RBFOX1: variants seen among roughly 807,000 people sequenced by gnomAD.
RBFOX1 encodes the protein RNA binding protein fox-1 homolog 1.
Under a neutral mutation model 57.7 loss-of-function variants are expected in RBFOX1, and 8 were observed. The observed-to-expected ratio is 0.14, with a 90% CI of 0.08 to 0.25. The LOEUF (loss-of-function observed/expected upper bound fraction) is 0.25. Ranked by LOEUF, RBFOX1 falls within the 10% of genes least tolerant of loss-of-function variation. The pLI is 1.00. For synonymous variants in RBFOX1, 326 were observed against 222.4 expected (o/e 1.47, Z -4.15); for missense variants, 611 against 548.5 (o/e 1.11, Z -1.14).
intron 2 of RBFOX1, among the ~76,000 whole-genome samples, chr16:6,489,545 C>G (rs1252905118): frequency 6.6e-6 from 1 of 152,104 alleles, no homozygotes; most frequent in Non-Finnish European, 1.5e-5. Context: ...AGTCTGTGTT[C>G]CTAGCCATTT....
At chr16:5,920,784 G>A (rs2058804140) in intron 4 of RBFOX1, among the ~76,000 whole-genome samples, 1 of 152,196 alleles carries the variant, frequency 6.6e-6, no homozygotes, top group South Asian at 2.1e-4. Flanking sequence ...GGACCTGGGT[G>A]GAAATTCTTC....
intron 2 of RBFOX1, among the ~76,000 whole-genome samples, chr16:5,597,815 A>G (rs2047236941): frequency 1.3e-5 from 2 of 152,144 alleles, no homozygotes; most frequent in Non-Finnish European, 2.9e-5. Context: ...TACGACGGTG[A>G]TTCACATCCC....
intron 1 of RBFOX1, among the ~76,000 whole-genome samples, chr16:5,401,823 T>G (rs1259068249): frequency 2.0e-5 from 3 of 149,910 alleles, no homozygotes; most frequent in Non-Finnish European, 1.5e-5. Flanking sequence ...CTTCTCGTGC[T>G]GCTGCTTCCT....
At chr16:5,690,384 A>G (rs1279569737) in intron 3 of RBFOX1, among the ~76,000 whole-genome samples, 1 of 152,194 alleles carries the variant, frequency 6.6e-6, no homozygotes, top group Admixed American at 6.5e-5. Flanking sequence ...GCCACCGTCT[A>G]CCCATATCTT....
intron 4 of RBFOX1, among the ~76,000 whole-genome samples, chr16:5,939,291 T>A (rs1333688666): frequency 6.6e-6 from 1 of 152,168 alleles, no homozygotes; most frequent in East Asian, 1.9e-4. Context: ...CATCACAAAC[T>A]TAGATTAAAA....
chr16:6,507,507 C>CAAAAAAAAAAAA (rs57685233), intron 2 of RBFOX1, among the ~76,000 whole-genome samples: 3 of 97,194 alleles, frequency 3.1e-5, no homozygotes, highest in Non-Finnish European at 3.8e-5. Context: ...CCTATCTGTA[C>CAAAAAAAAAAAA]AAAAAAAAAA....
At chr16:5,351,088 G>T (rs1413651803) in intron 1 of RBFOX1, among the ~76,000 whole-genome samples, 1 of 152,072 alleles carries the variant, frequency 6.6e-6, no homozygotes, top group Non-Finnish European at 1.5e-5. Flanking sequence ...GGTTGACCCC[G>T]GATAGGTCTA....
At chr16:6,063,942 A>G (rs1006815462) in intron 1 of RBFOX1, among the ~76,000 whole-genome samples, 33 of 152,202 alleles carry the variant, frequency 2.2e-4, no homozygotes, top group African/African-American at 8.0e-4. Flanking sequence ...CATAACACAT[A>G]TAATATTTCC....
chr16:7,213,199 C>T (rs564189420), intron 4 of RBFOX1, among the ~76,000 whole-genome samples: 6 of 152,276 alleles, frequency 3.9e-5, no homozygotes, highest in South Asian at 2.1e-4. Flanking sequence ...GCAGATTACA[C>T]GGAACAATAT....
chr16:7,209,102 C>A (rs2090588719), intron 4 of RBFOX1, among the ~76,000 whole-genome samples: 1 of 151,356 alleles, frequency 6.6e-6, no homozygotes, highest in Non-Finnish European at 1.5e-5. Context: ...CAAGAGCAGC[C>A]TGGCCAACGT....
chr16:7,644,021 T>A (rs1206334951), intron 11 of RBFOX1, among the ~76,000 whole-genome samples: 2 of 152,180 alleles, frequency 1.3e-5, no homozygotes, highest in African/African-American at 4.8e-5. Flanking sequence ...GGAGATGATG[T>A]AGCAGCTTGT....
At chr16:6,169,742 C>T (rs762171455) in intron 1 of RBFOX1, among the ~76,000 whole-genome samples, 1 of 152,168 alleles carries the variant, frequency 6.6e-6, no homozygotes, top group Non-Finnish European at 1.5e-5. Context: ...GTTGTTGTTA[C>T]AGGCACATGC....
At chr16:5,308,372 C>A (rs551159845) in intron 1 of RBFOX1, among the ~76,000 whole-genome samples, 1 of 151,982 alleles carries the variant, frequency 6.6e-6, no homozygotes, top group African/African-American at 2.4e-5. Flanking sequence ...CTGCCTTTGT[C>A]CGCTCCCAAG....
At position 5,759,227 on chromosome 16, in the gene RBFOX1, G is replaced by T. The variant is rs181855159; in HGVS notation, c.319-108076G>T. On this transcript the variant is annotated intron_variant, in intron 3 of 19. Coordinates refer to the RBFOX1 transcript ENST00000641259. ...TTAGAATGTCTGAATCTGCATCATA[G>T]CCTGAGGTCTGTGTTCAGCTTACAG... 7.3e-4 allele frequency among the ~76,000 whole-genome samples: 111 copies of T among 152,306 alleles called. 1 individual carries two copies. Among genetic ancestry groups the T allele is most frequent in the Non-Finnish European group, 4.0e-4 (27 of 68,034 alleles).
At position 7,609,527 on chromosome 16, in the gene RBFOX1, T is replaced by G. The variant is rs142153305; in HGVS notation, c.676+2189T>G. On this transcript the variant is annotated intron_variant, in intron 10 of 15. Transcript: ENST00000550418. ...ATTCAGATTAGCCCAGGGCCCAGGT[T>G]CAGAAGTTAGATCATTAAGTTAGAG... Among the ~76,000 whole-genome samples the G allele has an allele frequency of 5.6e-3, 855 of 152,282 alleles. 9 individuals carry two copies. The highest frequency in any genetic ancestry group is 0.02 in the African/African-American group (811 of 41,546).
intron 4 of RBFOX1, among the ~76,000 whole-genome samples, chr16:7,470,196 A>G (rs925908106): frequency 6.6e-6 from 1 of 152,214 alleles, no homozygotes; most frequent in Non-Finnish European, 1.5e-5. Context: ...CCCTTGGGTC[A>G]TCTCTATCAT....
intron 2 of RBFOX1, among the ~76,000 whole-genome samples, chr16:6,643,358 T>G (rs958439326): frequency 1.3e-5 from 2 of 152,188 alleles, no homozygotes; most frequent in Admixed American, 1.3e-4. Context: ...ACTGCAAACA[T>G]TTTATACTAT....
intron 3 of RBFOX1, chr16:6,704,535 T>A (rs2062393631): frequency 1.3e-5 from 2 of 152,164 alleles, no homozygotes; most frequent in Non-Finnish European, 2.9e-5. Context: ...CCCCCTTGGG[T>A]CTGGAAGTTG....
At chr16:5,318,159 C>T (rs2151240871) in intron 1 of RBFOX1, among the ~76,000 whole-genome samples, 1 of 152,222 alleles carries the variant, frequency 6.6e-6, no homozygotes, top group Admixed American at 6.5e-5. Context: ...GACAGTGTCT[C>T]ACTGTGTCAC....
Sources: gnomAD v4.1 joint callset for allele counts (sites outside exome capture counted in the v4.1 genomes callset) on GRCh38, gnomAD v4.1.1 for gene constraint, MANE v1.5 for transcripts, NCBI Gene and HGNC (gene_info 2026-07-23, HGNC 2026-07-21) for gene names.